CAST: variants seen among roughly 807,000 people sequenced by gnomAD.
CAST encodes calpastatin.
Under a neutral mutation model 119.6 loss-of-function variants are expected in CAST, and 76 were observed. That is an observed-to-expected ratio of 0.64 (90% CI 0.53 to 0.77). The LOEUF (loss-of-function observed/expected upper bound fraction) is 0.77, where lower values mean the gene tolerates loss of function less well. CAST is among the 30% of genes least tolerant of loss of function. CAST has a pLI of 0.00. For missense variants in CAST, 953 were observed against 946.5 expected (o/e 1.01, Z -0.09); for synonymous variants, 319 against 331.6 (o/e 0.96, Z 0.41).
At chr5:96,405,488 C>T in the CAST span, among the ~76,000 whole-genome samples, 4 of 152,112 alleles carry the variant, frequency 2.6e-5, no homozygotes, top group Admixed American at 2.6e-4. Context: ...ATTCCTAGAT[C>T]ATTTTCTCCT....
At chr5:96,534,739 G>GAAAGAGAAAGAAAGAA (rs1554066252) in intron 1 of CAST, among the ~76,000 whole-genome samples, 2 of 22,720 alleles carry the variant, frequency 8.8e-5, no homozygotes, top group African/African-American at 1.4e-4. Context: ...GAGAGAGAGA[G>GAAAGAGAAAGAAAGAA]AGAAAGAAAG....
the CAST span, among the ~76,000 whole-genome samples, chr5:95,973,909 T>C: frequency 7.4e-4 from 113 of 152,254 alleles, 1 homozygote; most frequent in African/African-American, 2.1e-3. Flanking sequence ...CTATACTTCT[T>C]GTAGCCTTTC....
At chr5:96,078,708 A>G in the CAST span, among the ~76,000 whole-genome samples, 1 of 152,238 alleles carries the variant, frequency 6.6e-6, no homozygotes, top group South Asian at 2.1e-4. Context: ...AGTTAAATCA[A>G]TCACTAAGCA....
chr5:96,110,077 A>G, the CAST span, among the ~76,000 whole-genome samples: 12,839 of 152,214 alleles, frequency 0.084, 737 homozygotes, highest in Non-Finnish European at 0.12. Context: ...AAAAAAGTTG[A>G]CTAAGATACA....
At chr5:96,472,107 C>T in the CAST span, among the ~76,000 whole-genome samples, 6 of 152,122 alleles carry the variant, frequency 3.9e-5, no homozygotes, top group Non-Finnish European at 8.8e-5. Context: ...ACACTCAGCC[C>T]AACTCCTCTA....
chr5:96,652,520 A>G (rs181520885), intron 1 of CAST, among the ~76,000 whole-genome samples: 1 of 152,180 alleles, frequency 6.6e-6, no homozygotes, highest in African/African-American at 2.4e-5. Flanking sequence ...CACTCATCCA[A>G]TCAGCTCACA....
intron 1 of CAST, among the ~76,000 whole-genome samples, chr5:96,540,154 T>A (rs1159854524): frequency 6.6e-6 from 1 of 152,136 alleles, no homozygotes; most frequent in East Asian, 1.9e-4. Flanking sequence ...AGCTCCACAA[T>A]GTGTTGTTTC....
intron 1 of CAST, among the ~76,000 whole-genome samples, chr5:96,539,742 C>T (rs889752368): frequency 3.9e-5 from 6 of 152,116 alleles, no homozygotes; most frequent in Admixed American, 6.5e-5. Flanking sequence ...CTAAAAGAAT[C>T]GATTTCTCAT....
At chr5:96,658,146 G>A (rs1001484973), upstream of CAST, among the ~76,000 whole-genome samples, 1 of 152,068 alleles carries the variant, frequency 6.6e-6, no homozygotes, top group Admixed American at 6.6e-5. Context: ...GTTGCCTCCA[G>A]ATCTGAGGGG....
the CAST span, among the ~76,000 whole-genome samples, chr5:96,442,143 A>T: frequency 6.6e-6 from 1 of 152,218 alleles, no homozygotes; most frequent in African/African-American, 2.4e-5. Context: ...TGCTTCTTCT[A>T]CCTTCCACTT....
intron 1 of CAST, among the ~76,000 whole-genome samples, chr5:96,643,444 T>C (rs2150203712): frequency 6.6e-6 from 1 of 152,094 alleles, no homozygotes; most frequent in Admixed American, 6.5e-5. Flanking sequence ...AGCTAAAGAG[T>C]TTGGAGTTTC....
chr5:96,597,418 G>A (rs62364682), intron 1 of CAST, among the ~76,000 whole-genome samples: 1 of 152,208 alleles, frequency 6.6e-6, no homozygotes, highest in Non-Finnish European at 1.5e-5. Context: ...CTGCTGTCTG[G>A]ACGTAATTAT....
chr5:96,267,824 T>C, the CAST span, among the ~76,000 whole-genome samples: 3,519 of 152,298 alleles, frequency 0.023, 140 homozygotes, highest in African/African-American at 0.082. Context: ...CTCATAACTC[T>C]AGTATGAAGC....
chr5:96,231,372 A>G, the CAST span, among the ~76,000 whole-genome samples: 1 of 152,186 alleles, frequency 6.6e-6, no homozygotes, highest in Admixed American at 6.6e-5. Context: ...GAAGGAAGCC[A>G]GTCGTAAGAT....
In CAST at chr5:96,757,429, T is replaced by C; in HGVS notation, c.1711-15T>C. On this transcript the variant is annotated splice_polypyrimidine_tract_variant and intron_variant, in intron 22 of 31. Coordinates refer to ENST00000675179, the MANE Select transcript of CAST (RefSeq NM_001750.7). ...GTAAAATGATTTCATGCCATGTGTT[T>C]TCCCCCCCGGATAGGATAAAGATGG... 6.2e-7 allele frequency: 1 copy of C among 1,612,850 alleles called. No individual in the cohort carries two copies. The highest frequency in any genetic ancestry group is 8.5e-7 in the Non-Finnish European group (1 of 1,178,816).
intron 1 of CAST, among the ~76,000 whole-genome samples, chr5:96,595,076 A>G (rs1747030834): frequency 6.6e-6 from 1 of 152,168 alleles, no homozygotes; most frequent in South Asian, 2.1e-4. Context: ...GCACTGTGGG[A>G]GATTCACATT....
chr5:96,579,028 G>A (rs1238864495), intron 1 of CAST, among the ~76,000 whole-genome samples: 2 of 152,194 alleles, frequency 1.3e-5, no homozygotes, highest in East Asian at 3.8e-4. Flanking sequence ...GGTTTCCCTA[G>A]ACTAGGCTGC....
At chr5:96,605,010 T>G (rs1177852480) in intron 1 of CAST, among the ~76,000 whole-genome samples, 3 of 152,076 alleles carry the variant, frequency 2.0e-5, no homozygotes, top group Non-Finnish European at 4.4e-5. Context: ...ACCCGGGACA[T>G]AGAGAACCAA....
chr5:96,188,743 T>C, the CAST span, among the ~76,000 whole-genome samples: 2 of 152,334 alleles, frequency 1.3e-5, no homozygotes, highest in Non-Finnish European at 2.9e-5. Context: ...AAATTTGTTT[T>C]TTACCTTCAG....
Sources: allele counts gnomAD v4.1 joint callset (sites outside exome capture counted in the v4.1 genomes callset), GRCh38; gene constraint gnomAD v4.1.1; transcripts MANE v1.5; gene names NCBI Gene and HGNC (gene_info 2026-07-23, HGNC 2026-07-21).